The following NSD3 variants were observed in gnomAD, a reference collection of about 807,000 sequenced individuals.
The protein encoded by NSD3 is histone-lysine N-methyltransferase NSD3.
In NSD3, 24 loss-of-function variants were observed where a neutral mutation model predicts 160.8. That is an observed-to-expected ratio of 0.15 (90% CI 0.11 to 0.21). NSD3 has a LOEUF of 0.21. Among genes scored for constraint, NSD3 ranks in the 10% least tolerant of loss-of-function variants. NSD3 has a pLI of 1.00. For synonymous variants in NSD3, 520 were observed against 600.0 expected (o/e 0.87, Z 1.95); for missense variants, 1,157 against 1,735.9 (o/e 0.67, Z 5.93).
chr8:38,337,137 C>T (rs1049062861), intron 4 of NSD3, among the ~76,000 whole-genome samples, 168 bp downstream of exon 4: 2 of 145,682 alleles, frequency 1.4e-5, no homozygotes, highest in East Asian at 2.0e-4. Flanking sequence ...GCAAAAACTC[C>T]GTCTCAAAAA....
chr8:38,343,874 C>T (rs1810447068), intron 2 of NSD3, among the ~76,000 whole-genome samples: 1 of 152,126 alleles, frequency 6.6e-6, no homozygotes, highest in Non-Finnish European at 1.5e-5. Context: ...GGGGATATGG[C>T]AAACTAAGGG....
intron 1 of NSD3, among the ~76,000 whole-genome samples, chr8:38,372,251 AAC>A (rs1811264240): frequency 6.6e-6 from 1 of 152,242 alleles, no homozygotes; most frequent in South Asian, 2.1e-4. Flanking sequence ...CAAAAAGTGC[AAC>A]AGAGATGAAC....
At chr8:38,346,160 A>ATATG (rs538608951) in intron 2 of NSD3, among the ~76,000 whole-genome samples, 1 of 150,690 alleles carries the variant, frequency 6.6e-6, no homozygotes, top group Non-Finnish European at 1.5e-5. Context: ...ATATGTATGC[A>ATATG]TATGTATGTA....
At chr8:38,337,205 G>C in intron 4 of NSD3, 100 bp downstream of exon 4, 1 of 1,075,110 alleles carries the variant, frequency 9.3e-7, no homozygotes, top group Non-Finnish European at 1.2e-6. Context: ...TTTTGTATCA[G>C]ATTATATATT....
At chr8:38,286,310 C>T (rs996308353) in intron 19 of NSD3, among the ~76,000 whole-genome samples, 2 of 151,172 alleles carry the variant, frequency 1.3e-5, no homozygotes, top group Non-Finnish European at 3.0e-5. Flanking sequence ...AACAAACACA[C>T]ACACACACAC....
intron 7 of NSD3, 124 bp downstream of exon 7, chr8:38,326,606 G>C: frequency 8.6e-7 from 1 of 1,164,378 alleles, no homozygotes; most frequent in Non-Finnish European, 1.1e-6. Context: ...TTTATATTTT[G>C]ATTTTTAAAT....
At chr8:38,361,754 C>CAAAAA (rs756700150) in intron 1 of NSD3, among the ~76,000 whole-genome samples, 6 of 31,126 alleles carry the variant, frequency 1.9e-4, no homozygotes, top group African/African-American at 3.7e-4. Flanking sequence ...GACTCCGTCT[C>CAAAAA]AAAAAAAAAA....
Position 38,288,735 on chromosome 8 carries a change from C to T in NSD3, c.3253G>A (p.Val1085Met), listed in dbSNP as rs748817925. The T allele has an allele frequency of 1.2e-6, 2 of 1,613,688 alleles. No homozygotes were observed. Among genetic ancestry groups the T allele is most frequent in the Non-Finnish European group, 1.7e-6 (2 of 1,179,612 alleles). Residue 1085 changes from valine (V) to methionine (M), a missense_variant, in exon 19 of 24, where the codon GTG becomes ATG. Physicochemically the swap from Val to Met is conservative, Grantham distance 21. Coordinates refer to ENST00000317025, the MANE Select transcript of NSD3 (RefSeq NM_023034.2). This position sits in a 1 kb window ranked among gnomAD's most constrained non-coding sequence, Gnocchi z 4.5. ...HIKANKVIGK[V>M]QIQVADLSEI... is the part of the protein sequence containing the mutation. ...GACAGGTCAGCAACCTGGATCTGCA[C>T]CTTTCCTATTACTTTGTTAGCCTAG...
chr8:38,349,664 T>TA (rs1209564116), intron 1 of NSD3, among the ~76,000 whole-genome samples: 18 of 75,318 alleles, frequency 2.4e-4, no homozygotes, highest in African/African-American at 5.3e-4. Flanking sequence ...AATTTCTTTC[T>TA]TTATATATAT....
In NSD3 at chr8:38,337,399, A is replaced by G; in HGVS notation, c.816T>C (p.Asp272=). Residue 272 remains aspartate (D), a synonymous_variant, in exon 4 of 24, where the codon GAT becomes GAC. Transcript: ENST00000317025. ...AGGTTCCCACCTTGGACCACACAAG[A>G]TCGCCAACCTGAAACTTAACACCAG... ...VSTGVKFQVG[D]LVWSKVGTYP... is the part of the protein sequence containing the mutation. 6.2e-7 allele frequency: 1 copy of G among 1,613,018 alleles called. No homozygotes were observed. Among genetic ancestry groups the G allele is most frequent in the Non-Finnish European group, 8.5e-7 (1 of 1,179,614 alleles).
intron 16 of NSD3, 168 bp from the exon 17 acceptor site, chr8:38,290,845 AAC>A (rs765461633): frequency 1.3e-5 from 8 of 594,020 alleles, no homozygotes; most frequent in Admixed American, 3.0e-5. Flanking sequence ...TGAAATAGTG[AAC>A]ACAGACTAAA....
At chr8:38,305,065 A>G (rs1374784533) in intron 13 of NSD3, among the ~76,000 whole-genome samples, 183 bp downstream of exon 13, 1 of 152,214 alleles carries the variant, frequency 6.6e-6, no homozygotes, top group Admixed American at 6.5e-5. Flanking sequence ...TTTTCTTCTC[A>G]TGGTCTGAAT....
chr8:38,319,066 C>G lies in NSD3; in HGVS notation c.1810-126G>C. 3 of 865,826 alleles carry G rather than the reference C, an allele frequency of 3.5e-6. No homozygotes were observed. The East Asian group carries it at 7.7e-5, about 22-fold the overall frequency. 53.6% of individuals were successfully genotyped at this position (865,826 alleles called of 1,614,324 possible). ...GATTAATGTATCTGAAATCTGAACT[C>G]AGTCCCATCTTTTGGGTAAAGTTCT... On this transcript the variant is annotated intron_variant, in intron 8 of 23. Transcript: ENST00000317025. The surrounding 1 kb of genome is among the most constrained non-coding windows in gnomAD (Gnocchi z 4.1).
At chr8:38,304,891 A>G (rs1345024288) in intron 13 of NSD3, 134 bp from the exon 14 acceptor site, 9 of 930,294 alleles carry the variant, frequency 9.7e-6, no homozygotes, top group Middle Eastern at 2.9e-4. Context: ...TTTCTTCCCT[A>G]GTCTGGCTCT....
At chr8:38,341,122 C>A (rs896319268) in intron 2 of NSD3, among the ~76,000 whole-genome samples, 3 of 152,076 alleles carry the variant, frequency 2.0e-5, no homozygotes, top group Non-Finnish European at 4.4e-5. Context: ...TGGAGCGAAA[C>A]CCCGTCTCTT....
chr8:38,278,064 G>A (rs7821484), intron 22 of NSD3, among the ~76,000 whole-genome samples: 3 of 151,438 alleles, frequency 2.0e-5, no homozygotes, highest in Non-Finnish European at 4.4e-5. Flanking sequence ...TCAGCCTCCC[G>A]AGTAGCTGGG....
intron 14 of NSD3, 34 bp downstream of exon 14, chr8:38,304,553 C>T (rs759632304): frequency 1.3e-6 from 2 of 1,586,182 alleles, no homozygotes; most frequent in Admixed American, 3.6e-5. Context: ...CCAATGACCT[C>T]AAAAATAAAT....
chr8:38,340,448 C>T (rs1810334955), intron 2 of NSD3, among the ~76,000 whole-genome samples: 1 of 152,162 alleles, frequency 6.6e-6, no homozygotes, highest in Non-Finnish European at 1.5e-5. Context: ...AGTGGTTCTC[C>T]TCCTTTAGCC....
chr8:38,327,527 A>C (rs969654865), intron 6 of NSD3, among the ~76,000 whole-genome samples: 1 of 152,138 alleles, frequency 6.6e-6, no homozygotes, highest in African/African-American at 2.4e-5. Flanking sequence ...GCTAATTCCA[A>C]GATACATTTT....
Sources: gnomAD v4.1 joint callset for allele counts (sites outside exome capture counted in the v4.1 genomes callset) on GRCh38, gnomAD v4.1.1 for gene constraint, Gnocchi (gnomAD v3.1) non-coding constraint, MANE v1.5 for transcripts, NCBI Gene and HGNC (gene_info 2026-07-23, HGNC 2026-07-21) for gene names.